TJP1: variants seen among roughly 807,000 people sequenced by gnomAD.
The protein encoded by TJP1 is tight junction protein 1, also known as tight junction protein ZO-1.
A neutral mutation model predicts 194.2 loss-of-function variants in TJP1; 43 were observed. That is an observed-to-expected ratio of 0.22 (90% CI 0.17 to 0.29). The LOEUF is 0.29. Ranked by LOEUF, TJP1 falls within the 10% of genes least tolerant of loss-of-function variation. The pLI is 1.00. For missense variants in TJP1, 1,971 were observed against 2,185.7 expected (o/e 0.90, Z 1.96); for synonymous variants, 801 against 779.0 (o/e 1.03, Z -0.47).
At position 29,732,451 on chromosome 15, in the gene TJP1, C is replaced by G; in HGVS notation, c.1999G>C (p.Asp667His). The G allele has an allele frequency of 6.2e-7, 1 of 1,613,538 alleles. No homozygotes were observed. The highest frequency in any genetic ancestry group is 8.5e-7 in the Non-Finnish European group (1 of 1,180,012). The change falls in exon 15 of 28, where the codon GAT becomes CAT. Residue 667 changes from aspartate (D) to histidine (H), a missense_variant. Physicochemically the swap from Asp to His is moderately conservative, Grantham distance 81 (BLOSUM62 -1). Around this residue, in one of 5 missense-constraint regions of TJP1, gnomAD observed 402 missense variants for 484.2 expected, o/e 0.83. Coordinates refer to ENST00000614355, the MANE Select transcript of TJP1 (RefSeq NM_001330239.4). ...TACTTACTTGCAATTTGATAAATAT[C>G]TGGTTCTTCTCTTGCCAGCTTTTCT... is the stretch of plus-strand genomic sequence containing the variant. Reference protein sequence around the residue: ...AREKLAREEPDIYQIAKSEPR... With the variant: ...AREKLAREEPHIYQIAKSEPR...
At chr15:29,760,911 G>A (rs532801542) in intron 8 of TJP1, among the ~76,000 whole-genome samples, 4 of 152,320 alleles carry the variant, frequency 2.6e-5, no homozygotes, top group African/African-American at 7.2e-5. Context: ...CAGTTGAGCA[G>A]TGAAAAGAAC....
chr15:29,863,442 T>G (rs2052173277), intron 2 of TJP1, among the ~76,000 whole-genome samples: 1 of 152,172 alleles, frequency 6.6e-6, no homozygotes. Flanking sequence ...CAACGAGTTC[T>G]CAGATGCGGC....
At chr15:29,930,414 A>G (rs2054668839) in intron 2 of TJP1, among the ~76,000 whole-genome samples, 1 of 152,242 alleles carries the variant, frequency 6.6e-6, no homozygotes, top group Admixed American at 6.5e-5. Flanking sequence ...AAACAATATC[A>G]TACTAGAAAA....
chr15:29,963,368 G>A (rs1345775551), intron 1 of TJP1, among the ~76,000 whole-genome samples: 1 of 152,102 alleles, frequency 6.6e-6, no homozygotes, highest in Non-Finnish European at 1.5e-5. Flanking sequence ...ATGAGTCTGA[G>A]CAAGTCAATG....
intron 1 of TJP1, among the ~76,000 whole-genome samples, chr15:29,959,347 C>A (rs1204432523): frequency 6.6e-6 from 1 of 151,910 alleles, no homozygotes; most frequent in Non-Finnish European, 1.5e-5. Context: ...CAAAAATAAC[C>A]TTTTTTTCTT....
intron 2 of TJP1, among the ~76,000 whole-genome samples, chr15:29,956,024 A>T (rs192181495): frequency 1.3e-5 from 2 of 152,314 alleles, no homozygotes; most frequent in East Asian, 3.9e-4. Flanking sequence ...TATTTGGATC[A>T]GAATCATCAT....
chr15:29,861,202 G>A (rs1567142294), intron 2 of TJP1, among the ~76,000 whole-genome samples: 1 of 152,070 alleles, frequency 6.6e-6, no homozygotes, highest in Non-Finnish European at 1.5e-5. Flanking sequence ...ACATAGACCT[G>A]CAAACTGCTC....
At chr15:29,705,340 G>C (rs1159210819) in intron 26 of TJP1, among the ~76,000 whole-genome samples, 188 bp downstream of exon 26, 1 of 152,186 alleles carries the variant, frequency 6.6e-6, no homozygotes, top group Non-Finnish European at 1.5e-5. Flanking sequence ...CAGGCAGTGT[G>C]GTCACCACAG....
intron 2 of TJP1, among the ~76,000 whole-genome samples, chr15:29,836,509 G>A (rs2051036940): frequency 6.6e-6 from 1 of 151,816 alleles, no homozygotes; most frequent in African/African-American, 2.4e-5. Flanking sequence ...CTGACCTCGT[G>A]AACCACCTGC....
chr15:29,844,379 G>A (rs1180579933), intron 2 of TJP1, among the ~76,000 whole-genome samples: 3 of 152,138 alleles, frequency 2.0e-5, no homozygotes. Context: ...CACAGTGGCT[G>A]TTCTAACAGA....
chr15:29,892,898 G>A (rs1056355699), intron 2 of TJP1, among the ~76,000 whole-genome samples: 6 of 152,178 alleles, frequency 3.9e-5, no homozygotes, highest in African/African-American at 1.4e-4. Context: ...CATAGATTAA[G>A]GAGTAATTTC....
intron 2 of TJP1, among the ~76,000 whole-genome samples, chr15:29,785,797 G>A (rs2047663910): frequency 6.6e-6 from 1 of 152,112 alleles, no homozygotes; most frequent in Admixed American, 6.6e-5. Flanking sequence ...TGGCCACTGA[G>A]ATCACAGAAT....
At chr15:29,804,310 T>C (rs900683759) in intron 1 of TJP1, among the ~76,000 whole-genome samples, 1 of 152,192 alleles carries the variant, frequency 6.6e-6, no homozygotes, top group African/African-American at 2.4e-5. Context: ...CTTTCAATCT[T>C]GTTACGTGTT....
chr15:29,766,750 C>A (rs2046355830), intron 4 of TJP1, among the ~76,000 whole-genome samples: 1 of 152,088 alleles, frequency 6.6e-6, no homozygotes, highest in Non-Finnish European at 1.5e-5. Flanking sequence ...TCTGGTTAAG[C>A]ACAAATAAGA....
At chr15:29,706,317 T>C (rs12438925) in intron 25 of TJP1, among the ~76,000 whole-genome samples, 115,985 of 152,138 alleles carry the variant, frequency 0.76, 45,506 homozygotes, top group East Asian at 0.86. Context: ...TGAAGGCAAT[T>C]AGTCAAACGA....
intron 1 of TJP1, among the ~76,000 whole-genome samples, chr15:29,960,734 A>G (rs2056126119): frequency 6.6e-6 from 1 of 152,114 alleles, no homozygotes; most frequent in Non-Finnish European, 1.5e-5. Flanking sequence ...CCACAGGAAG[A>G]TGGTACCTTG....
intron 10 of TJP1, among the ~76,000 whole-genome samples, chr15:29,740,432 C>G (rs1300218738): frequency 1.3e-5 from 2 of 151,926 alleles, no homozygotes; most frequent in Non-Finnish European, 2.9e-5. Context: ...TTTAGACCAG[C>G]CTGGGCAATG....
rs369727707 is a variant in TJP1 at position 29,761,635 on chromosome 15, G to A, written c.828C>T (p.Asp276=). The change falls in exon 7 of 28, where the codon GAC becomes GAT. Residue 276 remains aspartate, a synonymous_variant. Coordinates refer to ENST00000614355, the MANE Select transcript of TJP1 (RefSeq NM_001330239.4). ...ATLLNVPDLS[D]SIHSANASER... ...CAGAGGCATTAGCAGAGTGGATGCT[G>A]TCAGAAAGATCAGGGACATTCAATA... The A allele has an allele frequency of 8.7e-6, 14 of 1,606,864 alleles. No homozygotes were observed. Among genetic ancestry groups the A allele is most frequent in the Non-Finnish European group, 1.2e-5 (14 of 1,174,330 alleles).
intron 18 of TJP1, among the ~76,000 whole-genome samples, chr15:29,724,619 T>A (rs17671580): frequency 0.044 from 6,760 of 152,312 alleles, 169 homozygotes; most frequent in South Asian, 0.077. Flanking sequence ...CTGTGTCAGA[T>A]CTTGTAAAAA....
Sources: gnomAD v4.1 joint callset for allele counts (sites outside exome capture counted in the v4.1 genomes callset) on GRCh38, gnomAD v4.1.1 for gene constraint, gnomAD v4.1.1 regional missense constraint, MANE v1.5 for transcripts, NCBI Gene and HGNC (gene_info 2026-07-23, HGNC 2026-07-21) for gene names.